The following UNC13C variants were observed in gnomAD, a reference collection of about 807,000 sequenced individuals.
UNC13C encodes unc-13 homolog C.
UNC13C carries 174 observed loss-of-function variants against 245.4 expected under a neutral mutation model. The observed-to-expected ratio is 0.71, with a 90% CI of 0.63 to 0.80. UNC13C has a LOEUF of 0.80. UNC13C is among the 30% of genes least tolerant of loss of function. UNC13C has a pLI of 0.00. For synonymous variants in UNC13C, 992 were observed against 895.1 expected (o/e 1.11, Z -1.93); for missense variants, 2,829 against 2,602.9 (o/e 1.09, Z -1.89).
intron 17 of UNC13C, among the ~76,000 whole-genome samples, chr15:54,383,874 C>T (rs1420878016): frequency 6.6e-6 from 1 of 151,838 alleles, no homozygotes; most frequent in Non-Finnish European, 1.5e-5. Flanking sequence ...CCAATAATGG[C>T]ATAGCCAAAA....
At chr15:54,107,206 C>T (rs1318332092) in intron 2 of UNC13C, among the ~76,000 whole-genome samples, 1 of 151,856 alleles carries the variant, frequency 6.6e-6, no homozygotes, top group Non-Finnish European at 1.5e-5. Context: ...ATGCCTGAGC[C>T]TTTGTCTAAA....
chr15:54,096,849 T>C (rs1182385968), intron 2 of UNC13C, among the ~76,000 whole-genome samples: 1 of 152,196 alleles, frequency 6.6e-6, no homozygotes, highest in African/African-American at 2.4e-5. Flanking sequence ...TGTATGTATG[T>C]AAATATGTTT....
chr15:54,208,305 A>G (rs3985787), intron 4 of UNC13C, among the ~76,000 whole-genome samples: 143,769 of 152,112 alleles, frequency 0.95, 68,021 homozygotes, highest in Non-Finnish European at 0.97. Flanking sequence ...CCAACACTGG[A>G]GATTACGTTT....
chr15:54,280,675 CAT>C (rs1406086669), intron 10 of UNC13C, among the ~76,000 whole-genome samples: 3 of 81,840 alleles, frequency 3.7e-5, no homozygotes, highest in African/African-American at 2.7e-4. Context: ...CATACATATA[CAT>C]ATATACATAT....
chr15:54,462,622 G>A (rs539041468), intron 19 of UNC13C, among the ~76,000 whole-genome samples: 33 of 152,354 alleles, frequency 2.2e-4, no homozygotes, highest in Admixed American at 1.4e-3. Flanking sequence ...AGGGGGCGCC[G>A]GGTCCCCCAG....
At chr15:53,954,387 A>C in the UNC13C span, among the ~76,000 whole-genome samples, 30 of 152,236 alleles carry the variant, frequency 2.0e-4, no homozygotes, top group African/African-American at 6.0e-4. Flanking sequence ...AATTATAAAT[A>C]TATTTAAAAA....
At position 54,013,101 on chromosome 15, in the gene UNC13C, T is replaced by G; in HGVS notation, c.198T>G (p.Ile66Met). The G allele has an allele frequency of 1.9e-6, 3 of 1,613,892 alleles. No individual in the cohort carries two copies. In the East Asian group the frequency reaches 6.7e-5, roughly 36 times the overall value. ...CTTTTAAAAGCACTGTAAAGAAGATTGCAAAGTGTTCATCCACTCACAACT... is the reference window on the plus strand; with the variant it reads ...CTTTTAAAAGCACTGTAAAGAAGATGGCAAAGTGTTCATCCACTCACAACT... ...SYTFKSTVKK[I>M]AKCSSTHNLS... The change falls in exon 2 of 33, where the codon ATT (isoleucine) becomes ATG (methionine). Residue 66 changes from isoleucine to methionine, a missense_variant. Physicochemically the swap from Ile to Met is conservative, Grantham distance 10. Transcript: ENST00000260323.
chr15:54,419,094 A>G (rs569296022), intron 19 of UNC13C, among the ~76,000 whole-genome samples: 3 of 152,328 alleles, frequency 2.0e-5, no homozygotes, highest in East Asian at 3.9e-4. Context: ...CAGAAGAAAA[A>G]TAGACATCTA....
intron 8 of UNC13C, among the ~76,000 whole-genome samples, chr15:54,253,159 A>G (rs2036196237): frequency 6.6e-6 from 1 of 152,216 alleles, no homozygotes; most frequent in Non-Finnish European, 1.5e-5. Flanking sequence ...CATGCAAAAG[A>G]GAGAGTATGT....
the UNC13C span, among the ~76,000 whole-genome samples, chr15:53,950,621 A>G: frequency 2.0e-5 from 3 of 152,344 alleles, no homozygotes; most frequent in African/African-American, 2.4e-5. Flanking sequence ...TACATGCAGT[A>G]GATCGGTCTC....
At chr15:54,262,964 G>T (rs1443753914) in intron 8 of UNC13C, among the ~76,000 whole-genome samples, 2 of 151,946 alleles carry the variant, frequency 1.3e-5, no homozygotes, top group Admixed American at 1.3e-4. Context: ...CTTAAATTGG[G>T]CTCAACATTC....
At chr15:54,292,925 GAGAT>G (rs939933117) in intron 10 of UNC13C, among the ~76,000 whole-genome samples, 2 of 147,700 alleles carry the variant, frequency 1.4e-5, no homozygotes, top group Non-Finnish European at 3.0e-5. Flanking sequence ...ATTATATATA[GAGAT>G]AGATATCTAT....
At chr15:54,393,753 T>C (rs1171284763) in intron 18 of UNC13C, among the ~76,000 whole-genome samples, 3 of 151,908 alleles carry the variant, frequency 2.0e-5, no homozygotes, top group Non-Finnish European at 4.4e-5. Flanking sequence ...TTTATCAAAA[T>C]ACAACTAGCT....
intron 24 of UNC13C, among the ~76,000 whole-genome samples, chr15:54,516,103 G>A (rs996208138): frequency 1.3e-5 from 2 of 152,176 alleles, no homozygotes; most frequent in South Asian, 4.1e-4. Context: ...CTGCCCAAAA[G>A]TGTGTGTATG....
chr15:54,464,862 A>G (rs1267640285), intron 19 of UNC13C, among the ~76,000 whole-genome samples: 1 of 152,046 alleles, frequency 6.6e-6, no homozygotes, highest in Non-Finnish European at 1.5e-5. Context: ...ATAGTATTCA[A>G]AGGTATTCAT....
At position 53,979,270 on chromosome 15, in the gene UNC13C, A is replaced by G. The variant is rs142001909; in HGVS notation, c.-257+343A>G. On this transcript the variant is annotated intron_variant, in intron 1 of 32. Coordinates refer to ENST00000260323, the MANE Select transcript of UNC13C (RefSeq NM_001080534.3). Reference sequence around the variant, plus strand: ...CCCCTCGGAATTTTGGAAGAAAAAAATAGAGCTCAACAGAGAACAAAAGTT... The same window carrying G: ...CCCCTCGGAATTTTGGAAGAAAAAAGTAGAGCTCAACAGAGAACAAAAGTT... 2.0e-3 allele frequency among the ~76,000 whole-genome samples: 275 copies of G among 140,186 alleles called. 1 individual carries two copies. Among genetic ancestry groups the G allele is most frequent in the African/African-American group, 6.5e-3 (265 of 40,562 alleles). 92.0% of individuals were successfully genotyped at this position (140,186 alleles called of 152,430 possible).
At chr15:54,220,618 T>A (rs1416389791) in intron 4 of UNC13C, among the ~76,000 whole-genome samples, 4 of 148,390 alleles carry the variant, frequency 2.7e-5, no homozygotes, top group Non-Finnish European at 4.5e-5. Flanking sequence ...TAAAAAAAAT[T>A]AAAAAAATGC....
chr15:53,935,232 G>A, the UNC13C span, among the ~76,000 whole-genome samples: 1 of 151,626 alleles, frequency 6.6e-6, no homozygotes. Flanking sequence ...GCTTACCACT[G>A]AGAACACTCC....
At chr15:54,504,270 C>T (rs1301066678) in intron 22 of UNC13C, among the ~76,000 whole-genome samples, 2 of 152,142 alleles carry the variant, frequency 1.3e-5, no homozygotes, top group African/African-American at 4.8e-5. Flanking sequence ...AAATGACGCA[C>T]ACATATTTAT....
Sources: allele counts gnomAD v4.1 joint callset (sites outside exome capture counted in the v4.1 genomes callset), GRCh38; gene constraint gnomAD v4.1.1; transcripts MANE v1.5; gene names NCBI Gene and HGNC (gene_info 2026-07-23, HGNC 2026-07-21).